Variants in GADL1 observed in about 807,000 individuals in gnomAD.
GADL1 encodes the protein GAD like acidic amino acid decarboxylase 1.
A neutral mutation model predicts 69.5 loss-of-function variants in GADL1; 71 were observed. The observed-to-expected ratio is 1.02, with a 90% CI of 0.84 to 1.25. GADL1 has a LOEUF of 1.25. Among genes scored for constraint, GADL1 ranks in the 50% most tolerant of loss-of-function variants. GADL1 has a pLI of 0.00. For missense variants in GADL1, 737 were observed against 631.8 expected (o/e 1.17, Z -1.79); for synonymous variants, 254 against 214.4 (o/e 1.18, Z -1.62).
chr3:30,824,651 CAT>C (rs1697652766), intron 11 of GADL1, among the ~76,000 whole-genome samples: 1 of 151,624 alleles, frequency 6.6e-6, no homozygotes. Flanking sequence ...ATCTTAAAGA[CAT>C]AAGCTTGAGC....
At chr3:30,839,767 A>G (rs901723540) in intron 8 of GADL1, among the ~76,000 whole-genome samples, 4 of 152,128 alleles carry the variant, frequency 2.6e-5, no homozygotes, top group African/African-American at 9.7e-5. Context: ...ATTCCTCCTC[A>G]TATAGCTGAT....
At chr3:30,854,966 C>T (rs532170082) in intron 3 of GADL1, among the ~76,000 whole-genome samples, 177 bp from the exon 4 acceptor site, 14 of 152,048 alleles carry the variant, frequency 9.2e-5, no homozygotes, top group African/African-American at 1.9e-4. Flanking sequence ...AAGGAGATGG[C>T]GGTTAGAATT....
chr3:30,818,232 T>C (rs1248326770), intron 11 of GADL1, among the ~76,000 whole-genome samples: 1 of 152,206 alleles, frequency 6.6e-6, no homozygotes, highest in East Asian at 1.9e-4. Context: ...TGCTGGTCTC[T>C]TGGGCAGAGA....
intron 11 of GADL1, among the ~76,000 whole-genome samples, chr3:30,828,370 CT>C (rs202011452): frequency 3.4e-5 from 5 of 148,546 alleles, no homozygotes; most frequent in South Asian, 2.1e-4. Flanking sequence ...CATTAGTCTC[CT>C]TTTTTTTTCC....
intron 1 of GADL1, among the ~76,000 whole-genome samples, chr3:30,876,389 A>G (rs1698576605): frequency 6.7e-6 from 1 of 150,256 alleles, no homozygotes; most frequent in African/African-American, 2.5e-5. Context: ...AAAGGCTCTG[A>G]TTGGTAGCAT....
At chr3:30,861,497 A>T (rs1698320013) in intron 2 of GADL1, 96 bp downstream of exon 2, 1 of 821,376 alleles carries the variant, frequency 1.2e-6, no homozygotes, top group African/African-American at 1.7e-5. Context: ...AGAAATAAAA[A>T]CTTGGCCTTC....
At position 30,801,025 on chromosome 3, in the gene GADL1, C is replaced by A. The variant is rs61738477; in HGVS notation, c.1114G>T (p.Asp372Tyr). The A allele has an allele frequency of 8.2e-4, 1,320 of 1,613,564 alleles. 8 individuals are homozygous for A. The African/African-American group carries it at 0.013, about 16-fold the overall frequency. ...SYLFQQDKFY[D>Y]VSYDTGDKSI... ...TTGTCTCCTGTGTCATAGCTCACAT[C>A]ATAGAATTTATCCTGCTGGAAGAGG... The change falls in exon 12 of 15, where the codon GAT (aspartate) becomes TAT (tyrosine). Residue 372 changes from aspartate (D) to tyrosine (Y), a missense_variant. Transcript: ENST00000282538.
chr3:30,796,725 C>G (rs1022197150), intron 12 of GADL1, among the ~76,000 whole-genome samples: 89 of 152,058 alleles, frequency 5.9e-4, no homozygotes, highest in African/African-American at 2.1e-3. Context: ...GTTGAAGCAC[C>G]TAGACCAAGC....
chr3:30,731,970 C>T (rs7611252), intron 14 of GADL1, among the ~76,000 whole-genome samples: 34,980 of 152,098 alleles, frequency 0.23, 4,228 homozygotes, highest in Non-Finnish European at 0.27. Flanking sequence ...GCAATGTCCT[C>T]TCACTTGTCT....
chr3:30,769,508 C>T (rs2125491215), intron 14 of GADL1, among the ~76,000 whole-genome samples: 1 of 152,238 alleles, frequency 6.6e-6, no homozygotes, highest in Admixed American at 6.5e-5. Context: ...TCCTGCTTCC[C>T]CCCTGTGCCT....
At chr3:30,752,946 C>CA (rs1559487592) in intron 14 of GADL1, among the ~76,000 whole-genome samples, 3 of 122,424 alleles carry the variant, frequency 2.5e-5, no homozygotes, top group Non-Finnish European at 5.2e-5. Flanking sequence ...ACACAATCCT[C>CA]GTTTTTTAAC....
chr3:30,808,776 C>T (rs1697301097), intron 11 of GADL1, among the ~76,000 whole-genome samples: 1 of 152,190 alleles, frequency 6.6e-6, no homozygotes, highest in South Asian at 2.1e-4. Context: ...TTTTATCTTT[C>T]TCTTTTTTCT....
chr3:30,734,172 T>G (rs753591525), intron 14 of GADL1, among the ~76,000 whole-genome samples: 1 of 152,232 alleles, frequency 6.6e-6, no homozygotes, highest in Non-Finnish European at 1.5e-5. Flanking sequence ...TTTAAGGTCT[T>G]CAGAACCATG....
In GADL1 at chr3:30,833,839, A is replaced by G. The variant is rs372389526; in HGVS notation, c.1050+14T>C. On this transcript the variant is annotated intron_variant, in intron 11 of 14. Transcript: ENST00000282538. The stretch of plus-strand genomic sequence containing the variant: ...CCCCCTTGAAGCCCAAAGGACCACA[A>G]GAGGAAAACTTACAGATTTGTCTTT... The G allele has an allele frequency of 1.7e-5, 28 of 1,601,022 alleles. No homozygotes were observed. Among genetic ancestry groups the G allele is most frequent in the Admixed American group, 5.0e-5 (3 of 59,808 alleles).
chr3:30,840,872 A>G (rs528295768), intron 8 of GADL1, among the ~76,000 whole-genome samples: 24 of 152,254 alleles, frequency 1.6e-4, no homozygotes, highest in Non-Finnish European at 3.4e-4. Flanking sequence ...GTATTGTCTA[A>G]GAAAATTTGT....
chr3:30,850,759 C>T (rs995403630), intron 5 of GADL1, 76 bp downstream of exon 5: 3 of 801,758 alleles, frequency 3.7e-6, no homozygotes, highest in Non-Finnish European at 6.3e-6. Context: ...TATAAATCTG[C>T]AAGGAGTTGT....
rs149544722 is a variant in GADL1, at chr3:30,775,192, C to T, written c.1392+2987G>A. On this transcript the variant is annotated intron_variant, in intron 14 of 14. Coordinates refer to ENST00000282538, the MANE Select transcript of GADL1 (RefSeq NM_207359.3). ...TGCAAGCATACATATGCGCTCATACCCTTCAACTCTCCAGATTCATTACCA... is the reference window on the plus strand; with the variant it reads ...TGCAAGCATACATATGCGCTCATACTCTTCAACTCTCCAGATTCATTACCA... 3.0e-4 allele frequency among the ~76,000 whole-genome samples: 46 copies of T among 152,270 alleles called. 1 individual carries two copies. The East Asian group carries it at 8.3e-3, about 27-fold the overall frequency.
rs1005422748 is a variant in GADL1 at position 30,728,022 on chromosome 3, A to AT, written c.*219dup. On this transcript the variant is annotated 3_prime_UTR_variant, in exon 15 of 15. Transcript: ENST00000282538. Reference sequence around the variant, plus strand: ...TCCAGGGGCATTCCTTGAGAAAATCATTTTTTTTTTTAAACTTTCTTCTTT... The same window carrying AT: ...TCCAGGGGCATTCCTTGAGAAAATCATTTTTTTTTTTTAAACTTTCTTCTTT... The AT allele has an allele frequency of 6.5e-3, 2,510 of 388,618 alleles. No homozygotes were observed. The highest frequency in any genetic ancestry group is 0.012 in the South Asian group (206 of 17,780). The allele number at this position is 388,618 out of a possible 1,614,324, so 24.1% of individuals were successfully genotyped here. A position where few individuals can be genotyped will look rare whatever the true frequency, so the allele number is the denominator to read the frequency against.
intron 13 of GADL1, among the ~76,000 whole-genome samples, chr3:30,781,689 C>T (rs1354307355): frequency 6.6e-6 from 1 of 152,176 alleles, no homozygotes; most frequent in Admixed American, 6.6e-5. Context: ...GAGTATCAAA[C>T]TTTCTGTTTC....
Sources: gnomAD v4.1 joint callset for allele counts (sites outside exome capture counted in the v4.1 genomes callset) on GRCh38, gnomAD v4.1.1 for gene constraint, MANE v1.5 for transcripts, NCBI Gene and HGNC (gene_info 2026-07-23, HGNC 2026-07-21) for gene names.